The following NFIA variants were observed in gnomAD, a reference collection of about 807,000 sequenced individuals.
NFIA encodes nuclear factor I A.
NFIA carries 8 observed loss-of-function variants against 62.8 expected under a neutral mutation model. That is an observed-to-expected ratio of 0.13 (90% CI 0.07 to 0.23). NFIA has a LOEUF of 0.23. NFIA is among the 10% of genes least tolerant of loss of function. NFIA has a pLI of 1.00. For synonymous variants in NFIA, 235 were observed against 238.1 expected, an observed-to-expected ratio of 0.99 and a Z score of 0.12; for missense variants, 410 against 642.1, an observed-to-expected ratio of 0.64 and a Z score of 3.91.
chr1:61,337,380 C>T (rs1661668520), intron 4 of NFIA, among the ~76,000 whole-genome samples: 1 of 151,918 alleles, frequency 6.6e-6, no homozygotes, highest in Non-Finnish European at 1.5e-5. Context: ...AGTTCTGCTT[C>T]CATGGCAAAG....
At chr1:61,300,756 G>C (rs1360036094) in intron 3 of NFIA, among the ~76,000 whole-genome samples, 1 of 151,886 alleles carries the variant, frequency 6.6e-6, no homozygotes, top group African/African-American at 2.4e-5. Context: ...CGATATGTAT[G>C]TATGTGTTTA....
At chr1:61,139,277 A>G (rs1459312802) in intron 2 of NFIA, among the ~76,000 whole-genome samples, 1 of 152,194 alleles carries the variant, frequency 6.6e-6, no homozygotes, top group African/African-American at 2.4e-5. Flanking sequence ...AAAGTGGAGG[A>G]AAAAACATGC....
At chr1:61,125,194 A>G (rs1646947299) in intron 2 of NFIA, 1 of 152,208 alleles carries the variant, frequency 6.6e-6, no homozygotes, top group South Asian at 2.1e-4. Context: ...ATAAAACTTG[A>G]ATATCCCCTT....
intron 2 of NFIA, among the ~76,000 whole-genome samples, chr1:61,162,817 C>CTT (rs1188371490): frequency 0.02 from 2,745 of 138,554 alleles, 56 homozygotes; most frequent in East Asian, 0.089. Flanking sequence ...CTCTTTCAAC[C>CTT]TTTTTTTTTT....
chr1:61,221,335 A>T (rs1296805270), intron 2 of NFIA, among the ~76,000 whole-genome samples: 1 of 152,046 alleles, frequency 6.6e-6, no homozygotes, highest in Non-Finnish European at 1.5e-5. Context: ...GTTTTCATTT[A>T]TTTCTGTTTC....
At chr1:61,426,593 T>C in intron 10 of NFIA, 37 bp downstream of exon 10, 1 of 1,462,646 alleles carries the variant, frequency 6.8e-7, no homozygotes, top group South Asian at 1.2e-5. Context: ...GTGGTGCAGC[T>C]TGTATTATTC....
chr1:61,456,802 A>T lies in NFIA; in HGVS notation c.*1482A>T, dbSNP rs1488214857. 5 of 142,230 alleles carry T rather than the reference A, an allele frequency of 3.5e-5. No individual in the cohort carries two copies. Among genetic ancestry groups the T allele is most frequent in the African/African-American group, 1.4e-4 (5 of 34,710 alleles). The allele number at this position is 142,230 out of a possible 1,614,324, so 8.8% of individuals were successfully genotyped here. On this transcript the variant is annotated 3_prime_UTR_variant, in exon 11 of 11. Transcript: ENST00000403491. ...AAACGTCCTGTATCTTATGAAAAAA[A>T]AAACAAAAAACAAAAACAAAAAAAA...
upstream of NFIA, among the ~76,000 whole-genome samples, chr1:61,080,218 G>A (rs1302211109): frequency 6.6e-6 from 1 of 151,874 alleles, no homozygotes; most frequent in Non-Finnish European, 1.5e-5. Flanking sequence ...AAATCGCGGG[G>A]CACATCCACT....
At chr1:61,357,030 A>G (rs1662992205) in intron 5 of NFIA, among the ~76,000 whole-genome samples, 1 of 152,144 alleles carries the variant, frequency 6.6e-6, no homozygotes, top group Non-Finnish European at 1.5e-5. Flanking sequence ...CCCTGTTTAG[A>G]TTATTTCGGG....
chr1:61,416,511 G>A (rs1276075874), intron 9 of NFIA, among the ~76,000 whole-genome samples: 1 of 152,062 alleles, frequency 6.6e-6, no homozygotes, highest in East Asian at 1.9e-4. Flanking sequence ...TTCATTCACA[G>A]TAGCTATTAG....
chr1:61,193,070 G>A (rs1049529716), intron 2 of NFIA, among the ~76,000 whole-genome samples: 8 of 152,262 alleles, frequency 5.3e-5, no homozygotes, highest in East Asian at 1.9e-4. Flanking sequence ...CTAGTATAGC[G>A]TTCAAAACTG....
chr1:61,315,164 A>G (rs1570565513), intron 3 of NFIA, among the ~76,000 whole-genome samples: 2 of 152,314 alleles, frequency 1.3e-5, no homozygotes, highest in Middle Eastern at 3.4e-3. Context: ...GCAGAATGCT[A>G]TTGGCTTCAC....
chr1:61,138,553 ATTTG>A (rs546641391), intron 2 of NFIA, among the ~76,000 whole-genome samples: 7,930 of 139,626 alleles, frequency 0.057, 265 homozygotes, highest in Non-Finnish European at 0.081. Context: ...TAGTCATTTT[ATTTG>A]TTTGTTTGTT....
intron 4 of NFIA, among the ~76,000 whole-genome samples, chr1:61,350,819 T>C (rs1204895169): frequency 2.0e-5 from 3 of 152,238 alleles, no homozygotes; most frequent in Admixed American, 2.0e-4. Flanking sequence ...TTCAGTTGCA[T>C]AATTCCTCCT....
At chr1:61,119,809 T>C (rs776794495) in intron 2 of NFIA, among the ~76,000 whole-genome samples, 1 of 152,198 alleles carries the variant, frequency 6.6e-6, no homozygotes, top group Non-Finnish European at 1.5e-5. Flanking sequence ...TTAGTAATCA[T>C]GCATCAGGTT....
intron 2 of NFIA, among the ~76,000 whole-genome samples, chr1:61,184,874 A>C (rs1651046749): frequency 6.7e-6 from 1 of 149,254 alleles, no homozygotes; most frequent in Non-Finnish European, 1.5e-5. Context: ...AAGAAAACAG[A>C]GGAGTTTAAA....
chr1:61,265,663 A>G (rs534160364), intron 2 of NFIA, among the ~76,000 whole-genome samples: 23 of 152,360 alleles, frequency 1.5e-4, no homozygotes, highest in African/African-American at 5.5e-4. Context: ...TAGAGAAGGT[A>G]TATCTAAAAT....
intron 2 of NFIA, among the ~76,000 whole-genome samples, chr1:61,125,750 A>G (rs774794707): frequency 1.3e-5 from 2 of 152,220 alleles, no homozygotes; most frequent in Non-Finnish European, 2.9e-5. Context: ...GAAGGGAGAT[A>G]GATGAAAGTA....
At position 61,199,330 on chromosome 1, in the gene NFIA, G is replaced by C. The variant is rs573198653; in HGVS notation, c.560-78190G>C. Among the ~76,000 whole-genome samples the C allele has an allele frequency of 9.8e-5, 15 of 152,304 alleles. No individual in the cohort carries two copies. In the South Asian group the frequency reaches 2.7e-3, roughly 27 times the overall value. ...GACATACTGCTGGTTGAGGATATCT[G>C]TTAATAGCTACCATTTATTGATCAT... On this transcript the variant is annotated intron_variant, in intron 2 of 10. Coordinates refer to ENST00000403491, the MANE Select transcript of NFIA (RefSeq NM_001134673.4).
Sources: allele counts gnomAD v4.1 joint callset (sites outside exome capture counted in the v4.1 genomes callset), GRCh38; gene constraint gnomAD v4.1.1; transcripts MANE v1.5; gene names NCBI Gene and HGNC (gene_info 2026-07-23, HGNC 2026-07-21).